The following CCDC192 variants were observed in gnomAD, a reference collection of about 807,000 sequenced individuals.
The protein encoded by CCDC192 is coiled-coil domain containing 192.
chr5:127,871,894 T>A (rs1311328177), intron 5 of CCDC192, among the ~76,000 whole-genome samples: 1 of 152,222 alleles, frequency 6.6e-6, no homozygotes, highest in Non-Finnish European at 1.5e-5. Flanking sequence ...CTCCAAGCTA[T>A]AAAGCCTTCC....
intron 2 of CCDC192, among the ~76,000 whole-genome samples, chr5:127,709,194 A>AG: frequency 1.9e-5 from 1 of 53,764 alleles, no homozygotes. Context: ...AGAGAGGTGG[A>AG]GAGAGGGGGA....
chr5:127,818,817 T>G (rs1019017270), intron 5 of CCDC192, among the ~76,000 whole-genome samples: 2 of 152,136 alleles, frequency 1.3e-5, no homozygotes, highest in Non-Finnish European at 2.9e-5. Context: ...GGGAAAGGAC[T>G]GGTAAGGAAA....
intron 6 of CCDC192, among the ~76,000 whole-genome samples, chr5:127,920,478 G>A (rs1005260240): frequency 7.0e-6 from 1 of 142,594 alleles, no homozygotes; most frequent in Non-Finnish European, 1.5e-5. Context: ...GTGCAATCTC[G>A]AGTCACTGCA....
chr5:127,858,346 C>G (rs1443466062), intron 5 of CCDC192, among the ~76,000 whole-genome samples: 1 of 152,184 alleles, frequency 6.6e-6, no homozygotes, highest in East Asian at 1.9e-4. Context: ...GACCTTTACA[C>G]ACAGTGTTTC....
At chr5:127,861,718 G>A (rs193103772) in intron 5 of CCDC192, among the ~76,000 whole-genome samples, 16 of 128,810 alleles carry the variant, frequency 1.2e-4, no homozygotes, top group Admixed American at 8.3e-4. Context: ...AACATTTGAC[G>A]CTCAAAGCAT....
chr5:127,881,128 T>C (rs1257563357), intron 6 of CCDC192, among the ~76,000 whole-genome samples: 1 of 152,182 alleles, frequency 6.6e-6, no homozygotes, highest in African/African-American at 2.4e-5. Context: ...TGGTATAATT[T>C]CAGACCCCAT....
chr5:127,745,923 A>T (rs569175045), intron 2 of CCDC192, among the ~76,000 whole-genome samples: 1 of 152,214 alleles, frequency 6.6e-6, no homozygotes, highest in East Asian at 1.9e-4. Flanking sequence ...AACTGAACAC[A>T]TCTAACTTTT....
chr5:127,768,054 C>A (rs1369781325), intron 3 of CCDC192, among the ~76,000 whole-genome samples: 1 of 152,004 alleles, frequency 6.6e-6, no homozygotes, highest in Non-Finnish European at 1.5e-5. Context: ...GAGTTTGAGA[C>A]CAGCCTGGCC....
At chr5:127,735,818 G>A (rs1752952256) in intron 2 of CCDC192, among the ~76,000 whole-genome samples, 1 of 133,806 alleles carries the variant, frequency 7.5e-6, no homozygotes, top group African/African-American at 3.1e-5. Flanking sequence ...TCAGCTTAAG[G>A]AGATTTTGGG....
rs942790828 is a variant in CCDC192, at chr5:127,896,525, C to A, written c.535+20864C>A. ...CTCGGCTCACCACAACCTCTGCCTCCCGGGTTCAAGGGATTCTCCTGCTTC... is the reference window on the plus strand; with the variant it reads ...CTCGGCTCACCACAACCTCTGCCTCACGGGTTCAAGGGATTCTCCTGCTTC... On this transcript the variant is annotated intron_variant, in intron 6 of 6. Coordinates refer to ENST00000514853, the MANE Select transcript of CCDC192 (RefSeq NM_001317938.2). 5.3e-5 allele frequency among the ~76,000 whole-genome samples: 8 copies of A among 152,120 alleles called. No homozygotes were observed. The South Asian group carries it at 1.7e-3, about 32-fold the overall frequency.
intron 2 of CCDC192, among the ~76,000 whole-genome samples, chr5:127,747,069 CTT>C (rs34542436): frequency 2.4e-4 from 34 of 142,662 alleles, no homozygotes; most frequent in Admixed American, 2.8e-4. Flanking sequence ...GCAGTTCATT[CTT>C]TTTTTTTTTT....
intron 5 of CCDC192, among the ~76,000 whole-genome samples, chr5:127,813,620 GC>G (rs1758201133): frequency 6.6e-6 from 1 of 152,092 alleles, no homozygotes; most frequent in Non-Finnish European, 1.5e-5. Flanking sequence ...GTTTGCTTGA[GC>G]CTTTATGACT....
At chr5:127,841,912 T>C (rs1750307601) in intron 5 of CCDC192, among the ~76,000 whole-genome samples, 1 of 152,090 alleles carries the variant, frequency 6.6e-6, no homozygotes. Context: ...CAGTGAAAAA[T>C]CCACTGAGCA....
chr5:127,869,821 C>T (rs1381217269), intron 5 of CCDC192, among the ~76,000 whole-genome samples: 1 of 152,054 alleles, frequency 6.6e-6, no homozygotes, highest in Non-Finnish European at 1.5e-5. Context: ...TCAGGAGTAA[C>T]TAAAATATAT....
At chr5:127,899,374 A>G (rs1752979976) in intron 6 of CCDC192, among the ~76,000 whole-genome samples, 1 of 152,166 alleles carries the variant, frequency 6.6e-6, no homozygotes, top group African/African-American at 2.4e-5. Flanking sequence ...CAAGCTCCTC[A>G]TCAGCCTGGA....
chr5:127,778,054 A>T (rs543647620), intron 3 of CCDC192, among the ~76,000 whole-genome samples: 3 of 152,028 alleles, frequency 2.0e-5, no homozygotes, highest in African/African-American at 7.2e-5. Context: ...TTAAAATAGA[A>T]TTATGTCATT....
intron 6 of CCDC192, among the ~76,000 whole-genome samples, chr5:127,908,353 T>G (rs1038910902): frequency 3.3e-5 from 5 of 152,210 alleles, no homozygotes; most frequent in African/African-American, 1.2e-4. Context: ...CTACAGGTTC[T>G]TACTCAGAAC....
chr5:127,866,342 A>T (rs1751612042), intron 5 of CCDC192, among the ~76,000 whole-genome samples: 1 of 151,566 alleles, frequency 6.6e-6, no homozygotes, highest in African/African-American at 2.4e-5. Flanking sequence ...ATGCGTTTAA[A>T]TGCCCTTAGT....
At chr5:127,752,441 G>A (rs1345955517) in intron 2 of CCDC192, among the ~76,000 whole-genome samples, 3 of 152,194 alleles carry the variant, frequency 2.0e-5, no homozygotes, top group Admixed American at 1.3e-4. Context: ...CAGGGGTCAG[G>A]GACCCACTTG....
Sources: gnomAD v4.1 joint callset for allele counts (sites outside exome capture counted in the v4.1 genomes callset) on GRCh38, gnomAD v4.1.1 for gene constraint, MANE v1.5 for transcripts, NCBI Gene and HGNC (gene_info 2026-07-23, HGNC 2026-07-21) for gene names.